Variants in PTPRD observed in about 807,000 individuals in gnomAD.
PTPRD encodes protein tyrosine phosphatase receptor type D, also known as receptor-type tyrosine-protein phosphatase delta.
Under a neutral mutation model 214.5 loss-of-function variants are expected in PTPRD, and 34 were observed. The observed-to-expected ratio is 0.16, with a 90% CI of 0.12 to 0.21. The LOEUF (loss-of-function observed/expected upper bound fraction) is 0.21, where lower values mean the gene tolerates loss of function less well. PTPRD is among the 10% of genes least tolerant of loss of function. PTPRD has a pLI of 1.00. For synonymous variants in PTPRD, 1,128 were observed against 845.7 expected (o/e 1.33, Z -5.79); for missense variants, 2,545 against 2,398.7 (o/e 1.06, Z -1.27).
At position 9,812,662 on chromosome 9, in the gene PTPRD, G is replaced by A. The variant is rs1003032844; in HGVS notation, c.-367-45811C>T. On this transcript the variant is annotated intron_variant, in intron 5 of 45. Coordinates refer to ENST00000381196, the MANE Select transcript of PTPRD (RefSeq NM_002839.4). ...ACTCTATATTGGAGCACCTAAATAT[G>A]TAAAGAAAATATAAACAGGACTGAA... Among the ~76,000 whole-genome samples, 17 of 152,208 alleles carry A rather than the reference G, an allele frequency of 1.1e-4. No individual in the cohort carries two copies. In the East Asian group the frequency reaches 3.3e-3, roughly 29 times the overall value.
chr9:9,802,137 G>A (rs916664010), intron 5 of PTPRD, among the ~76,000 whole-genome samples: 1 of 152,002 alleles, frequency 6.6e-6, no homozygotes, highest in African/African-American at 2.4e-5. Context: ...TTGAATTGGT[G>A]CAGACACAGT....
intron 22 of PTPRD, 26 bp downstream of exon 22, chr9:8,507,275 C>G (rs1206026651): frequency 6.2e-7 from 1 of 1,602,288 alleles, no homozygotes; most frequent in Non-Finnish European, 8.5e-7. Flanking sequence ...GAATAATTCC[C>G]AAGGTGAGAA....
At chr9:9,777,929 C>T (rs1330665057) in intron 5 of PTPRD, among the ~76,000 whole-genome samples, 1 of 152,126 alleles carries the variant, frequency 6.6e-6, no homozygotes, top group African/African-American at 2.4e-5. Context: ...ATAATGCCAT[C>T]TGAATAGCAG....
At chr9:8,867,147 C>A (rs907628082) in intron 11 of PTPRD, among the ~76,000 whole-genome samples, 1 of 152,132 alleles carries the variant, frequency 6.6e-6, no homozygotes, top group Admixed American at 6.6e-5. Flanking sequence ...AGATGACGGA[C>A]ACTCTTAATA....
chr9:9,956,747 T>C lies in PTPRD; in HGVS notation c.-471-18137A>G, dbSNP rs562127470. Among the ~76,000 whole-genome samples, 24 of 152,274 alleles carry C rather than the reference T, an allele frequency of 1.6e-4. 1 individual carries two copies. In the South Asian group the frequency reaches 5.0e-3, roughly 32 times the overall value. On this transcript the variant is annotated intron_variant, in intron 4 of 45. Transcript: ENST00000381196. ...TTACCTAGTAATAGAGACAGATCAA[T>C]GTATTAGCATTAATAAATCACAAGT...
intron 4 of PTPRD, among the ~76,000 whole-genome samples, chr9:9,961,907 T>A (rs1304550116): frequency 6.6e-6 from 1 of 152,068 alleles, no homozygotes; most frequent in Non-Finnish European, 1.5e-5. Flanking sequence ...TCATAGAGGT[T>A]TAAGATGATG....
chr9:9,676,455 C>G (rs960427972), intron 7 of PTPRD, among the ~76,000 whole-genome samples: 2 of 151,952 alleles, frequency 1.3e-5, no homozygotes, highest in Non-Finnish European at 2.9e-5. Context: ...AGGACATGAA[C>G]TCATCATTTT....
rs10733200 is a variant in PTPRD at position 10,016,393 on chromosome 9, A to G, written c.-472+17325T>C. ...GATAGATAGATAGATAGATAGATAG[A>G]TAGACAGATAGATAGGGAAATTCTT... On this transcript the variant is annotated intron_variant, in intron 4 of 45. Coordinates refer to ENST00000381196, the MANE Select transcript of PTPRD (RefSeq NM_002839.4). 1.3e-3 allele frequency among the ~76,000 whole-genome samples: 196 copies of G among 149,990 alleles called. 1 individual carries two copies. Among genetic ancestry groups the G allele is most frequent in the South Asian group, 5.3e-3 (25 of 4,740 alleles).
chr9:9,943,698 A>C (rs1460075287), intron 4 of PTPRD, among the ~76,000 whole-genome samples: 1 of 152,196 alleles, frequency 6.6e-6, no homozygotes, highest in African/African-American at 2.4e-5. Flanking sequence ...AATTTGAAGG[A>C]GGTACAGAAG....
chr9:8,793,795 T>C (rs941665433), intron 11 of PTPRD, among the ~76,000 whole-genome samples: 9 of 152,200 alleles, frequency 5.9e-5, no homozygotes, highest in Non-Finnish European at 1.2e-4. Context: ...AAAAAACCTA[T>C]ACTGAAAGTG....
At chr9:9,416,285 T>A (rs2076966493) in intron 8 of PTPRD, among the ~76,000 whole-genome samples, 2 of 152,160 alleles carry the variant, frequency 1.3e-5, no homozygotes, top group Admixed American at 1.3e-4. Flanking sequence ...ATGGTTGGGT[T>A]TGAAATCTTT....
rs1821113747 is a variant in PTPRD at position 8,315,394 on chromosome 9, C to A, written c.*2480G>T. 1 of 232,426 alleles carries A rather than the reference C, an allele frequency of 4.3e-6. No homozygotes were observed. The highest frequency in any genetic ancestry group is 2.2e-5 in the African/African-American group (1 of 45,250). 14.4% of individuals were successfully genotyped at this position (232,426 alleles called of 1,614,324 possible). The stretch of plus-strand genomic sequence containing the variant: ...ATCATTCTGGTGTGCAGTGCTCCAT[C>A]GGATTCTACATGTCCAACAAGGCAT... On this transcript the variant is annotated 3_prime_UTR_variant, in exon 46 of 46. Transcript: ENST00000381196.
chr9:9,154,673 G>A (rs545860772), intron 10 of PTPRD, among the ~76,000 whole-genome samples: 117 of 152,192 alleles, frequency 7.7e-4, no homozygotes, highest in Non-Finnish European at 1.3e-3. Flanking sequence ...CTGATATATC[G>A]TTGTTACTAA....
At chr9:9,981,506 C>T (rs1208360131) in intron 4 of PTPRD, among the ~76,000 whole-genome samples, 1 of 151,366 alleles carries the variant, frequency 6.6e-6, no homozygotes, top group Non-Finnish European at 1.5e-5. Context: ...AGGTGCCCGC[C>T]ACCATGCCTG....
At chr9:9,245,643 T>A (rs1199377191) in intron 9 of PTPRD, among the ~76,000 whole-genome samples, 1 of 152,002 alleles carries the variant, frequency 6.6e-6, no homozygotes, top group East Asian at 1.9e-4. Flanking sequence ...GGGGGAGGGA[T>A]AGCATTAGGA....
chr9:8,766,861 T>A (rs549676931), intron 11 of PTPRD, among the ~76,000 whole-genome samples: 1 of 152,310 alleles, frequency 6.6e-6, no homozygotes, highest in African/African-American at 2.4e-5. Flanking sequence ...ACATATGCCA[T>A]AGGAACTTAA....
At chr9:8,535,629 C>A (rs925119517) in intron 14 of PTPRD, among the ~76,000 whole-genome samples, 26 of 151,954 alleles carry the variant, frequency 1.7e-4, no homozygotes, top group African/African-American at 6.3e-4. Flanking sequence ...TTAAGTATTC[C>A]TCATCTTGGG....
chr9:8,746,772 T>C (rs570553957), intron 11 of PTPRD, among the ~76,000 whole-genome samples: 3 of 152,152 alleles, frequency 2.0e-5, no homozygotes, highest in Non-Finnish European at 2.9e-5. Context: ...GGCAGGAGGA[T>C]CACTTGAGGT....
intron 3 of PTPRD, among the ~76,000 whole-genome samples, chr9:10,154,157 T>C (rs1328397487): frequency 6.6e-6 from 1 of 152,146 alleles, no homozygotes; most frequent in Non-Finnish European, 1.5e-5. Flanking sequence ...TTTTTAACTA[T>C]AGCCATTCTG....
Sources: allele counts gnomAD v4.1 joint callset (sites outside exome capture counted in the v4.1 genomes callset), GRCh38; gene constraint gnomAD v4.1.1; transcripts MANE v1.5; gene names NCBI Gene and HGNC (gene_info 2026-07-23, HGNC 2026-07-21).